ETFB: variants seen among roughly 807,000 people sequenced by gnomAD.
The protein encoded by ETFB is electron transfer flavoprotein subunit beta.
Under a neutral mutation model 25.6 loss-of-function variants are expected in ETFB, and 20 were observed. The ratio of observed to expected loss-of-function variants is 0.78; its 90% CI spans 0.55 to 1.14. ETFB has a LOEUF of 1.14. ETFB is among the 50% of genes most tolerant of loss of function. ETFB has a pLI of 0.00. For missense variants in ETFB, 286 were observed against 342.6 expected (o/e 0.83, Z 1.30); for synonymous variants, 142 against 146.7 (o/e 0.97, Z 0.23).
At chr19:51,356,425 GC>G (rs1386419817) in intron 1 of ETFB, 2 of 152,126 alleles carry the variant, frequency 1.3e-5, no homozygotes, top group African/African-American at 4.8e-5. Flanking sequence ...AAAAATGCCA[GC>G]CCTCTGCCTG....
chr19:51,353,051 G>A lies in ETFB; in HGVS notation c.375+81C>T, dbSNP rs1036438873. On this transcript the variant is annotated intron_variant, in intron 3 of 5. Coordinates refer to ENST00000309244, the MANE Select transcript of ETFB (RefSeq NM_001985.3). Reference sequence around the variant, plus strand: ...GTGAATGCCCTGGGCCTGGCCAGCTGCTGTCTCACCCCGTATCTCCACCAC... The same window carrying A: ...GTGAATGCCCTGGGCCTGGCCAGCTACTGTCTCACCCCGTATCTCCACCAC... 21 of 1,568,840 alleles carry A rather than the reference G, an allele frequency of 1.3e-5. No homozygotes were observed. In the African/African-American group the frequency reaches 2.8e-4, roughly 21 times the overall value.
Position 51,354,181 on chromosome 19 carries a change from A to T in ETFB, c.185T>A (p.Ile62Asn). 6.2e-7 allele frequency: 1 copy of T among 1,614,080 alleles called. No individual in the cohort carries two copies. Among genetic ancestry groups the T allele is most frequent in the East Asian group, 2.2e-5 (1 of 44,884 alleles). Residue 62 changes from isoleucine to asparagine, a missense_variant, in exon 2 of 6, where the codon ATC becomes AAC. Ile to Asn is a moderately radical substitution (Grantham distance 149). Transcript: ENST00000309244. Reference sequence around the variant, plus strand: ...CTGTGCAGGCCCACAGCTGACGGCGATGACCTCCTTCACCAGCTTCTTCTC... The same window carrying T: ...CTGTGCAGGCCCACAGCTGACGGCGTTGACCTCCTTCACCAGCTTCTTCTC... ...LKEKKLVKEV[I>N]AVSCGPAQCQ...
chr19:51,353,056 C>T, intron 3 of ETFB, 76 bp downstream of exon 3: 2 of 1,588,690 alleles, frequency 1.3e-6, no homozygotes, highest in Non-Finnish European at 1.7e-6. Context: ...CAGCTGCTGT[C>T]TCACCCCGTA....
At chr19:51,352,898 G>C (rs1369932300) in intron 3 of ETFB, among the ~76,000 whole-genome samples, 1 of 152,198 alleles carries the variant, frequency 6.6e-6, no homozygotes, top group African/African-American at 2.4e-5. Context: ...AAAGTGCTGA[G>C]ATTACAGGCG....
intron 3 of ETFB, 83 bp downstream of exon 3, chr19:51,353,049 C>T (rs1041442350): frequency 1.9e-6 from 3 of 1,566,746 alleles, no homozygotes; most frequent in South Asian, 1.1e-5. Flanking sequence ...GCCTGGCCAG[C>T]TGCTGTCTCA....
At position 51,354,683 on chromosome 19, in the gene ETFB, C is replaced by T. The variant is rs543631402; in HGVS notation, c.58-375G>A. On this transcript the variant is annotated intron_variant, in intron 1 of 5. Coordinates refer to ENST00000309244, the MANE Select transcript of ETFB (RefSeq NM_001985.3). ...TATATAAATACATAATACACTGATA[C>T]ATAAATACAAATGAGGAGAAGAAAA... 1.0e-5 allele frequency: 16 copies of T among 1,602,296 alleles called. No homozygotes were observed. The South Asian group carries it at 1.7e-4, about 17-fold the overall frequency.
intron 1 of ETFB, 87 bp downstream of exon 1, chr19:51,366,183 G>A (rs1986360472): frequency 7.5e-7 from 1 of 1,333,646 alleles, no homozygotes; most frequent in East Asian, 2.3e-5. Flanking sequence ...CGGGGGTTAC[G>A]AGAAGACCCC....
At chr19:51,349,891 C>G (rs1196386743) in intron 4 of ETFB, among the ~76,000 whole-genome samples, 1 of 151,914 alleles carries the variant, frequency 6.6e-6, no homozygotes, top group Non-Finnish European at 1.5e-5. Flanking sequence ...AGACTACAGG[C>G]GCACGCCACC....
Position 51,345,226 on chromosome 19 carries a change from C to G in ETFB, c.753G>C (p.Glu251Asp). 1 of 1,614,240 alleles carries G rather than the reference C, an allele frequency of 6.2e-7. No homozygotes were observed. Among genetic ancestry groups the G allele is most frequent in the Non-Finnish European group, 8.5e-7 (1 of 1,180,036 alleles). Residue 251 changes from glutamate (E) to aspartate (D), a missense_variant, in exon 6 of 6, where the codon GAG becomes GAC. By Grantham distance (45) the Glu-to-Asp change is conservative. Transcript: ENST00000309244. ...TTEDLVAKLK[E>D]IGRI ...TGGGAGGGGCTCAAATCCGCCCAAT[C>G]TCCTTCAGCTTGGCCACCAGGTCCT... is the stretch of plus-strand genomic sequence containing the variant.
chr19:51,359,873 C>T (rs1166175743), intron 1 of ETFB, among the ~76,000 whole-genome samples: 1 of 151,756 alleles, frequency 6.6e-6, no homozygotes, highest in African/African-American at 2.4e-5. Flanking sequence ...ACAAAATTAG[C>T]AGGTCATGGT....
intron 1 of ETFB, among the ~76,000 whole-genome samples, chr19:51,358,976 T>G (rs1379893980): frequency 6.6e-6 from 1 of 151,016 alleles, no homozygotes; most frequent in Non-Finnish European, 1.5e-5. Flanking sequence ...GTAACCTGGG[T>G]GACAGAGCAA....
Position 51,354,483 on chromosome 19 carries a change from G to A in ETFB, c.58-175C>T, listed in dbSNP as rs144991327. The A allele has an allele frequency of 7.4e-5, 120 of 1,614,046 alleles. No individual in the cohort carries two copies. Among genetic ancestry groups the A allele is most frequent in the Non-Finnish European group, 9.6e-5 (113 of 1,180,024 alleles). On this transcript the variant is annotated intron_variant, in intron 1 of 5. Coordinates refer to ENST00000309244, the MANE Select transcript of ETFB (RefSeq NM_001985.3). ...GAACTGGGTTAGAGTTTGTAGGCAG[G>A]GGCAGGTCACCCTGTCTCCTTCTCT...
intron 1 of ETFB, among the ~76,000 whole-genome samples, chr19:51,364,376 G>T (rs915285146): frequency 6.6e-6 from 1 of 152,162 alleles, no homozygotes; most frequent in Non-Finnish European, 1.5e-5. Context: ...GGGGCACTGC[G>T]GGAGGGGAAG....
rs1361828449 is a variant in ETFB at position 51,366,368 on chromosome 19, G to C, written c.-42C>G. The C allele has an allele frequency of 1.3e-6, 2 of 1,599,716 alleles. No homozygotes were observed. Among genetic ancestry groups the C allele is most frequent in the African/African-American group, 2.7e-5 (2 of 74,834 alleles). On this transcript the variant is annotated 5_prime_UTR_variant, in exon 1 of 6. Coordinates refer to ENST00000309244, the MANE Select transcript of ETFB (RefSeq NM_001985.3). ...CTTACAGGGTCAGCCCGCACCCTCA[G>C]CGGCTCAGTCCAGAAGCCCCACCAC... is the stretch of plus-strand genomic sequence containing the variant.
chr19:51,360,333 T>G (rs537711437), intron 1 of ETFB, among the ~76,000 whole-genome samples: 2 of 144,182 alleles, frequency 1.4e-5, no homozygotes, highest in African/African-American at 5.2e-5. Flanking sequence ...ACCCGGGAGG[T>G]GGAGGTTGCA....
chr19:51,347,337 G>A (rs770652159), intron 4 of ETFB: 27 of 470,526 alleles, frequency 5.7e-5, no homozygotes, highest in Middle Eastern at 5.8e-4. Flanking sequence ...TGAGTGCTGA[G>A]CCCTGTGCTA....
At chr19:51,354,722 A>G in intron 1 of ETFB, 1 of 1,527,562 alleles carries the variant, frequency 6.5e-7, no homozygotes, top group African/African-American at 1.4e-5. Flanking sequence ...AAAACCAGTT[A>G]GGTAGACAGT....
intron 1 of ETFB, among the ~76,000 whole-genome samples, chr19:51,359,296 G>T (rs1373945020): frequency 6.6e-6 from 1 of 151,544 alleles, no homozygotes; most frequent in Non-Finnish European, 1.5e-5. Flanking sequence ...GGCCTAAAGT[G>T]ATCCGCCTGC....
intron 1 of ETFB, among the ~76,000 whole-genome samples, chr19:51,359,593 ACACG>A: frequency 6.6e-6 from 1 of 152,066 alleles, no homozygotes; most frequent in East Asian, 1.9e-4. Context: ...ACACACACAC[ACACG>A]CACGCACACA....
Sources: gnomAD v4.1 joint callset for allele counts (sites outside exome capture counted in the v4.1 genomes callset) on GRCh38, gnomAD v4.1.1 for gene constraint, MANE v1.5 for transcripts, NCBI Gene and HGNC (gene_info 2026-07-23, HGNC 2026-07-21) for gene names.